Variants in PTPRT observed in about 807,000 individuals in gnomAD.
PTPRT encodes the protein receptor-type tyrosine-protein phosphatase T.
Under a neutral mutation model 176.8 loss-of-function variants are expected in PTPRT, and 56 were observed. The observed-to-expected ratio is 0.32, with a 90% CI of 0.26 to 0.40. The LOEUF (loss-of-function observed/expected upper bound fraction) is 0.40, where lower values mean the gene tolerates loss of function less well. Among genes scored for constraint, PTPRT ranks in the 10% least tolerant of loss-of-function variants. The pLI is 1.00. For synonymous variants in PTPRT, 783 were observed against 739.0 expected (o/e 1.06, Z -0.96); for missense variants, 1,540 against 1,908.2 (o/e 0.81, Z 3.60).
chr20:42,690,695 C>T (rs2075779400), intron 6 of PTPRT, among the ~76,000 whole-genome samples: 1 of 152,182 alleles, frequency 6.6e-6, no homozygotes, highest in South Asian at 2.1e-4. Context: ...TTTTCATATT[C>T]ACTTTCACTT....
intron 4 of PTPRT, among the ~76,000 whole-genome samples, chr20:42,778,940 AAAG>A (rs1752978052): frequency 6.6e-6 from 1 of 152,188 alleles, no homozygotes; most frequent in South Asian, 2.1e-4. Flanking sequence ...CAGCCAGTGC[AAAG>A]AAGAGCCCAG....
chr20:42,403,070 G>C (rs1370614115), intron 9 of PTPRT, among the ~76,000 whole-genome samples: 1 of 152,062 alleles, frequency 6.6e-6, no homozygotes, highest in Non-Finnish European at 1.5e-5. Flanking sequence ...GTCTTAGTCT[G>C]ATTACCCAAG....
rs2058270881 is a variant in PTPRT at position 42,350,726 on chromosome 20, T to C, written c.1767A>G (p.Pro589=). The C allele has an allele frequency of 1.2e-6, 2 of 1,609,592 alleles. No individual in the cohort carries two copies. The highest frequency in any genetic ancestry group is 2.2e-5 in the East Asian group (1 of 44,876). Residue 589 remains proline, a synonymous_variant, in exon 11 of 31, where the codon CCA becomes CCG. Transcript: ENST00000373187. ...TGTCTGTGTCGTACTCAGGCATGGA[T>C]GGAGCTGGACAGGAAACAGAGAGTG... ...TTRIATKISA[P]SMPEYDTDTP... is the part of the protein sequence containing the mutation.
chr20:42,243,964 A>T (rs1005974521), intron 14 of PTPRT, among the ~76,000 whole-genome samples: 2 of 152,222 alleles, frequency 1.3e-5, no homozygotes, highest in Admixed American at 6.5e-5. Context: ...GCATATTAGT[A>T]ACGGGTTTGG....
chr20:42,352,067 CT>C lies in PTPRT; in HGVS notation c.1762+16del. 1.3e-6 allele frequency: 2 copies of C among 1,595,240 alleles called. No homozygotes were observed. Among genetic ancestry groups the C allele is most frequent in the African/African-American group, 1.4e-5 (1 of 73,770 alleles). ...GTGAAACAACCTTTTTTCCTTTTTC[CT>C]TTCTAGCAGAGATACCTGAAATTTT... On this transcript the variant is annotated intron_variant, in intron 10 of 30. Coordinates refer to ENST00000373187, the MANE Select transcript of PTPRT (RefSeq NM_007050.6).
At position 42,076,681 on chromosome 20, in the gene PTPRT, AG is replaced by A. The variant is rs1480000290; in HGVS notation, c.*4197del. 5.0e-6 allele frequency: 1 copy of A among 198,910 alleles called. No individual in the cohort carries two copies. Among genetic ancestry groups the A allele is most frequent in the East Asian group, 7.8e-5 (1 of 12,814 alleles). The allele number at this position is 198,910 out of a possible 1,614,324, so 12.3% of individuals were successfully genotyped here. ...GGTCAAGCTGAAGACCAGCTGACCT[AG>A]GGTCCGTCATAGCGGGGTGAACAGA... On this transcript the variant is annotated 3_prime_UTR_variant, in exon 31 of 31. Coordinates refer to ENST00000373187, the MANE Select transcript of PTPRT (RefSeq NM_007050.6).
At chr20:42,781,937 G>A (rs565851160) in intron 3 of PTPRT, among the ~76,000 whole-genome samples, 162 of 152,284 alleles carry the variant, frequency 1.1e-3, no homozygotes, top group African/African-American at 3.8e-3. Context: ...TTATGTTACT[G>A]CTCTGTGCCT....
chr20:42,185,306 A>G (rs1435310690), intron 16 of PTPRT, among the ~76,000 whole-genome samples: 1 of 152,156 alleles, frequency 6.6e-6, no homozygotes, highest in Non-Finnish European at 1.5e-5. Flanking sequence ...TGGTTCTTCC[A>G]TCGGGAGGGC....
At chr20:42,193,960 T>G (rs1023722624) in intron 16 of PTPRT, among the ~76,000 whole-genome samples, 1 of 152,194 alleles carries the variant, frequency 6.6e-6, no homozygotes, top group African/African-American at 2.4e-5. Context: ...TCAGGAGAGA[T>G]GTATTCTCAT....
At position 42,609,861 on chromosome 20, in the gene PTPRT, G is replaced by A. The variant is rs73909909; in HGVS notation, c.1153+68005C>T. The stretch of plus-strand genomic sequence containing the variant: ...TTCAGAACAGGATGAATGTGCAGCC[G>A]AGCGTGAGCACATTTTAAAATATAC... On this transcript the variant is annotated intron_variant, in intron 7 of 30. Coordinates refer to ENST00000373187, the MANE Select transcript of PTPRT (RefSeq NM_007050.6). 5.7e-3 allele frequency among the ~76,000 whole-genome samples: 869 copies of A among 152,296 alleles called. 8 individuals carry two copies. Among genetic ancestry groups the A allele is most frequent in the African/African-American group, 0.02 (825 of 41,552 alleles).
chr20:42,949,123 G>T (rs1002923747), intron 1 of PTPRT, among the ~76,000 whole-genome samples: 1 of 152,166 alleles, frequency 6.6e-6, no homozygotes, highest in Non-Finnish European at 1.5e-5. Flanking sequence ...GCTTCAACGG[G>T]GAAACTTATC....
intron 13 of PTPRT, among the ~76,000 whole-genome samples, chr20:42,259,841 GC>G (rs151124136): frequency 0.014 from 2,179 of 152,262 alleles, 22 homozygotes; most frequent in Middle Eastern, 0.048. Context: ...ATAAAATGTA[GC>G]CCATGGCCAT....
chr20:42,741,597 C>T (rs184775110), intron 6 of PTPRT, among the ~76,000 whole-genome samples: 18 of 152,226 alleles, frequency 1.2e-4, no homozygotes, highest in South Asian at 4.1e-4. Flanking sequence ...CCACCTGACT[C>T]GGCTTCCCAA....
intron 1 of PTPRT, among the ~76,000 whole-genome samples, chr20:43,058,024 C>T (rs929016286): frequency 6.6e-6 from 1 of 152,156 alleles, no homozygotes; most frequent in Non-Finnish European, 1.5e-5. Context: ...AAGGAAGTAT[C>T]ACTCACGCTT....
At chr20:42,874,668 C>G (rs1317727703) in intron 2 of PTPRT, among the ~76,000 whole-genome samples, 1 of 152,156 alleles carries the variant, frequency 6.6e-6, no homozygotes, top group Non-Finnish European at 1.5e-5. Context: ...CTGTAACTCA[C>G]TTTTGAGAGA....
chr20:43,060,388 C>T (rs1180173322), intron 1 of PTPRT, among the ~76,000 whole-genome samples: 1 of 152,052 alleles, frequency 6.6e-6, no homozygotes, highest in Non-Finnish European at 1.5e-5. Flanking sequence ...TCTGAAGTCC[C>T]TTTTATAAGA....
chr20:43,095,122 C>T lies in PTPRT; in HGVS notation c.88+94524G>A, dbSNP rs117522240. ...GCCCATTTGGGAGCCTTGGAGAGAGCTTTTATGCCAGCCACCTCTGCCTTG... is the reference window on the plus strand; with the variant it reads ...GCCCATTTGGGAGCCTTGGAGAGAGTTTTTATGCCAGCCACCTCTGCCTTG... On this transcript the variant is annotated intron_variant, in intron 1 of 30. Coordinates refer to ENST00000373187, the MANE Select transcript of PTPRT (RefSeq NM_007050.6). Among the ~76,000 whole-genome samples, 13 of 152,144 alleles carry T rather than the reference C, an allele frequency of 8.5e-5. No individual in the cohort carries two copies. The East Asian group carries it at 2.3e-3, about 27-fold the overall frequency.
chr20:42,597,838 C>T (rs1025704521), intron 7 of PTPRT, among the ~76,000 whole-genome samples: 1 of 152,078 alleles, frequency 6.6e-6, no homozygotes, highest in Non-Finnish European at 1.5e-5. Flanking sequence ...TCCACCCATG[C>T]CCAAAGGGAG....
intron 2 of PTPRT, among the ~76,000 whole-genome samples, chr20:42,878,069 A>T (rs1305084496): frequency 6.6e-6 from 1 of 152,234 alleles, no homozygotes; most frequent in African/African-American, 2.4e-5. Flanking sequence ...TGGGTATATA[A>T]GGGAATACAG....
Sources: allele counts gnomAD v4.1 joint callset (sites outside exome capture counted in the v4.1 genomes callset), GRCh38; gene constraint gnomAD v4.1.1; transcripts MANE v1.5; gene names NCBI Gene and HGNC (gene_info 2026-07-23, HGNC 2026-07-21).